Variants in PIAS4 observed in about 807,000 individuals in gnomAD.
PIAS4 encodes protein inhibitor of activated STAT 4.
A neutral mutation model predicts 58.0 loss-of-function variants in PIAS4; 7 were observed. That is an observed-to-expected ratio of 0.12 (90% CI 0.07 to 0.23). PIAS4 has a LOEUF of 0.23. PIAS4 is among the 10% of genes least tolerant of loss of function. PIAS4 has a pLI of 1.00. For synonymous variants in PIAS4, 364 were observed against 312.4 expected (o/e 1.17, Z -1.74); for missense variants, 550 against 709.5 (o/e 0.78, Z 2.55).
At chr19:4,019,138 C>T (rs558459391) in intron 2 of PIAS4, among the ~76,000 whole-genome samples, 1 of 152,260 alleles carries the variant, frequency 6.6e-6, no homozygotes, top group East Asian at 1.9e-4. Flanking sequence ...ACAGCAGAGA[C>T]GGGGGCTTCA....
intron 7 of PIAS4, among the ~76,000 whole-genome samples, chr19:4,030,669 C>G (rs1288248441): frequency 6.6e-6 from 1 of 152,126 alleles, no homozygotes; most frequent in African/African-American, 2.4e-5. Context: ...GTCCTCACCC[C>G]AAGCAGCCAC....
At chr19:4,025,153 G>T (rs934926813) in intron 3 of PIAS4, among the ~76,000 whole-genome samples, 1 of 152,154 alleles carries the variant, frequency 6.6e-6, no homozygotes, top group Non-Finnish European at 1.5e-5. Flanking sequence ...CCTCGGTGGG[G>T]CCGTCCTGGG....
intron 3 of PIAS4, among the ~76,000 whole-genome samples, chr19:4,025,462 CCT>C (rs2040153486): frequency 6.6e-6 from 1 of 152,230 alleles, no homozygotes; most frequent in South Asian, 2.1e-4. Flanking sequence ...CCAGGTCACC[CCT>C]GAGTCCATGG....
In PIAS4 at chr19:4,033,206, T is replaced by TCTC. The variant is rs755862885; in HGVS notation, c.981+36_981+38dup. On this transcript the variant is annotated intron_variant, in intron 8 of 10. Transcript: ENST00000262971. Reference sequence around the variant, plus strand: ...GGGGCGCGGTCCCCTCCTCGAGGCCTCTCCTGCGGCCGGCCTTCCCCCCTG... The same window carrying TCTC: ...GGGGCGCGGTCCCCTCCTCGAGGCCTCTCCTCCTGCGGCCGGCCTTCCCCCCTG... The TCTC allele has an allele frequency of 1.1e-5, 17 of 1,581,788 alleles. No homozygotes were observed. The Middle Eastern group carries it at 5.0e-4, about 46-fold the overall frequency.
rs562298219 is a variant in PIAS4 at position 4,026,259 on chromosome 19, A to C, written c.540-1887A>C. 1.4e-3 allele frequency among the ~76,000 whole-genome samples: 197 copies of C among 145,676 alleles called. 4 individuals are homozygous for C. Among genetic ancestry groups the C allele is most frequent in the Middle Eastern group, 3.5e-3 (1 of 288 alleles). The stretch of plus-strand genomic sequence containing the variant: ...GCGATTCTCCTGACTCAGCCTCCCG[A>C]GTAGCTGGGACTACAGGTGCGCACC... On this transcript the variant is annotated intron_variant, in intron 3 of 10. Transcript: ENST00000262971.
intron 9 of PIAS4, among the ~76,000 whole-genome samples, chr19:4,033,894 C>G (rs2040249863): frequency 6.6e-6 from 1 of 152,200 alleles, no homozygotes; most frequent in East Asian, 1.9e-4. Context: ...CCACAAAAAA[C>G]TGAGCCAGGT....
chr19:4,037,795 G>C lies in PIAS4; in HGVS notation c.1453G>C (p.Glu485Gln). Residue 485 changes from glutamate to glutamine, a missense_variant, in exon 11 of 11, where the codon GAG (glutamate) becomes CAG (glutamine). Glu to Gln is a conservative substitution (Grantham distance 29). Transcript: ENST00000262971. The surrounding 1 kb of genome is among the most constrained non-coding windows in gnomAD (Gnocchi z 5.8). ...GGAGGATGAGGAGGAGGAGGAAGAG[G>C]AGGAGGAAGACGAGGACGAAGAGGG... ...SSEDEEEEEE[E>Q]EEDEDEEGPR... The C allele has an allele frequency of 1.3e-6, 2 of 1,595,938 alleles. No individual in the cohort carries two copies. Among genetic ancestry groups the C allele is most frequent in the Non-Finnish European group, 1.7e-6 (2 of 1,171,846 alleles).
chr19:4,035,853 CAT>C (rs1568221640), intron 9 of PIAS4, among the ~76,000 whole-genome samples: 6 of 144,542 alleles, frequency 4.2e-5, no homozygotes, highest in Non-Finnish European at 9.1e-5. Context: ...CGCACACATC[CAT>C]ACAGTCCACA....
In PIAS4 at chr19:4,038,668, C is replaced by T. The variant is rs1442401082; in HGVS notation, c.*793C>T. The stretch of plus-strand genomic sequence containing the variant: ...GCCAGCTACCTCGGTAATTCCAATT[C>T]AGGTTAACTTCCCTACGGAACAGCA... On this transcript the variant is annotated 3_prime_UTR_variant, in exon 11 of 11. Coordinates refer to ENST00000262971, the MANE Select transcript of PIAS4 (RefSeq NM_015897.4). The surrounding 1 kb of genome is among the most constrained non-coding windows in gnomAD (Gnocchi z 4.1). The T allele has an allele frequency of 6.5e-6, 1 of 153,110 alleles. No individual in the cohort carries two copies. The highest frequency in any genetic ancestry group is 2.4e-5 in the African/African-American group (1 of 41,368). The allele number at this position is 153,110 out of a possible 1,614,324, so 9.5% of individuals were successfully genotyped here. A position where few individuals can be genotyped will look rare whatever the true frequency, so the allele number is the denominator to read the frequency against.
At chr19:4,033,918 G>T (rs538123731) in intron 9 of PIAS4, among the ~76,000 whole-genome samples, 1 of 152,104 alleles carries the variant, frequency 6.6e-6, no homozygotes, top group Non-Finnish European at 1.5e-5. Context: ...GCTTTCACAC[G>T]GCGTTCACCC....
At chr19:4,010,724 G>A (rs1449123052) in intron 1 of PIAS4, among the ~76,000 whole-genome samples, 3 of 152,154 alleles carry the variant, frequency 2.0e-5, no homozygotes, top group Admixed American at 6.5e-5. Flanking sequence ...TGTGAGCCTC[G>A]GTTTCCTCAC....
intron 1 of PIAS4, among the ~76,000 whole-genome samples, chr19:4,008,246 C>G (rs2039961881): frequency 6.6e-6 from 1 of 152,090 alleles, no homozygotes. Flanking sequence ...GGACTGCTAT[C>G]TGGGTCTCGT....
rs1336766462 is a variant in PIAS4 at position 4,038,710 on chromosome 19, TCCACAGCTG to T, written c.*838_*846del. ...GGAACAGCACAGATGTCCACAGATGTCCACAGCTGCCGCCGCCGCCGCCGCCACCATACC... is the reference window on the plus strand; with the variant it reads ...GGAACAGCACAGATGTCCACAGATGTCCGCCGCCGCCGCCGCCACCATACC... On this transcript the variant is annotated 3_prime_UTR_variant, in exon 11 of 11. Transcript: ENST00000262971. The surrounding 1 kb of genome is among the most constrained non-coding windows in gnomAD (Gnocchi z 4.1). The T allele has an allele frequency of 6.5e-6, 1 of 153,846 alleles. No homozygotes were observed. The highest frequency in any genetic ancestry group is 1.5e-5 in the Non-Finnish European group (1 of 68,936). The allele number at this position is 153,846 out of a possible 1,614,324, so 9.5% of individuals were successfully genotyped here.
At chr19:4,031,808 C>T (rs1472807649) in intron 7 of PIAS4, among the ~76,000 whole-genome samples, 1 of 152,214 alleles carries the variant, frequency 6.6e-6, no homozygotes, top group Admixed American at 6.5e-5. Flanking sequence ...TTGAACCCTT[C>T]CTGCTGCGCA....
chr19:4,028,879 C>G (rs757135832), intron 6 of PIAS4, 31 bp downstream of exon 6: 2 of 1,612,772 alleles, frequency 1.2e-6, no homozygotes, highest in South Asian at 1.1e-5. Context: ...CCACCCTGCC[C>G]CCCAACCCCG....
intron 2 of PIAS4, among the ~76,000 whole-genome samples, chr19:4,019,897 C>T (rs1329636532): frequency 3.9e-5 from 6 of 151,926 alleles, no homozygotes; most frequent in Non-Finnish European, 5.9e-5. Flanking sequence ...GGCTGGGAGC[C>T]GAGCCCAGGG....
intron 1 of PIAS4, among the ~76,000 whole-genome samples, chr19:4,008,757 T>C (rs2039966526): frequency 2.0e-5 from 3 of 152,230 alleles, no homozygotes; most frequent in Middle Eastern, 3.4e-3. Context: ...TGAGCGAGTC[T>C]ACTTCTTAGG....
At chr19:4,008,786 C>G (rs766955875) in intron 1 of PIAS4, among the ~76,000 whole-genome samples, 7 of 151,802 alleles carry the variant, frequency 4.6e-5, no homozygotes, top group Non-Finnish European at 8.8e-5. Context: ...CCACCCTCCC[C>G]CTACACAGCC....
chr19:4,018,786 T>C (rs2040078446), intron 2 of PIAS4: 1 of 152,270 alleles, frequency 6.6e-6, no homozygotes, highest in South Asian at 2.1e-4. Flanking sequence ...AATGGGGTGC[T>C]CAGCGAAGGC....
Sources: allele counts gnomAD v4.1 joint callset (sites outside exome capture counted in the v4.1 genomes callset), GRCh38; gene constraint gnomAD v4.1.1; non-coding constraint Gnocchi (gnomAD v3.1); transcripts MANE v1.5; gene names NCBI Gene and HGNC (gene_info 2026-07-23, HGNC 2026-07-21).